ANKFY1: variants seen among roughly 807,000 people sequenced by gnomAD.
ANKFY1 encodes ankyrin repeat and FYVE domain containing 1.
In ANKFY1, 47 loss-of-function variants were observed where a neutral mutation model predicts 128.3. The ratio of observed to expected loss-of-function variants is 0.37; its 90% CI spans 0.29 to 0.47. ANKFY1 has a LOEUF of 0.47. ANKFY1 is among the 20% of genes least tolerant of loss of function. The pLI, the probability that ANKFY1 is intolerant of heterozygous loss-of-function variation, is 1.00. For missense variants in ANKFY1, 1,222 were observed against 1,510.6 expected (o/e 0.81, Z 3.17); for synonymous variants, 553 against 601.6 (o/e 0.92, Z 1.18).
At chr17:4,194,884 G>A (rs772143016) in intron 10 of ANKFY1, 94 bp downstream of exon 10, 15 of 1,157,466 alleles carry the variant, frequency 1.3e-5, no homozygotes, top group Admixed American at 4.0e-5. Flanking sequence ...ATAGTATGCC[G>A]TTCAGTTTCT....
rs527902881 is a variant in ANKFY1 at position 4,210,639 on chromosome 17, C to T, written c.459-692G>A. On this transcript the variant is annotated intron_variant, in intron 4 of 24. Coordinates refer to ENST00000341657, the MANE Select transcript of ANKFY1 (RefSeq NM_001330063.2). ...AGGAGAATCGCTTGAACCCAGGAGG[C>T]GGAGGTTGCAGTGAGCTGAGATCGT... 5.3e-4 allele frequency among the ~76,000 whole-genome samples: 63 copies of T among 118,376 alleles called. 3 individuals carry two copies. In the South Asian group the frequency reaches 0.017, roughly 32 times the overall value. The allele number at this position is 118,376 out of a possible 152,430, so 77.7% of individuals were successfully genotyped here. A position where few individuals can be genotyped will look rare whatever the true frequency, so the allele number is the denominator to read the frequency against.
In ANKFY1 at chr17:4,183,382, A is replaced by C. The variant is rs764429624; in HGVS notation, c.1952+16T>G. 2 of 1,611,884 alleles carry C rather than the reference A, an allele frequency of 1.2e-6. No homozygotes were observed. Among genetic ancestry groups the C allele is most frequent in the Non-Finnish European group, 1.7e-6 (2 of 1,179,044 alleles). The stretch of plus-strand genomic sequence containing the variant: ...TTGTTACCTGGTGTTAGGTGGAGAG[A>C]GCGGCTTCCTCCTACCTGACATTTA... On this transcript the variant is annotated intron_variant, in intron 14 of 24. Coordinates refer to ENST00000341657, the MANE Select transcript of ANKFY1 (RefSeq NM_001330063.2).
rs74758537 is a variant in ANKFY1 at position 4,217,840 on chromosome 17, C to T, written c.323-722G>A. Among the ~76,000 whole-genome samples the T allele has an allele frequency of 4.9e-3, 752 of 152,132 alleles. 5 individuals are homozygous for T. The highest frequency in any genetic ancestry group is 0.018 in the African/African-American group (732 of 41,518). On this transcript the variant is annotated intron_variant, in intron 3 of 24. Coordinates refer to ENST00000341657, the MANE Select transcript of ANKFY1 (RefSeq NM_001330063.2). The stretch of plus-strand genomic sequence containing the variant: ...AGCTGGGACCGCAGGTGCATGCTAG[C>T]ATACCAGGTTAATTTTTGTATTTTT...
At chr17:4,259,056 A>G (rs1286884505) in intron 1 of ANKFY1, among the ~76,000 whole-genome samples, 18 of 152,228 alleles carry the variant, frequency 1.2e-4, no homozygotes, top group Non-Finnish European at 1.9e-4. Context: ...TGGGAAAAGC[A>G]TCAGTCGCTG....
At chr17:4,259,440 C>T (rs746317923) in intron 1 of ANKFY1, among the ~76,000 whole-genome samples, 2 of 152,156 alleles carry the variant, frequency 1.3e-5, no homozygotes, top group African/African-American at 2.4e-5. Flanking sequence ...TGCCACCATG[C>T]CTGGCTAATT....
intron 11 of ANKFY1, among the ~76,000 whole-genome samples, chr17:4,185,977 C>T (rs972880514): frequency 3.3e-5 from 5 of 152,146 alleles, no homozygotes; most frequent in Non-Finnish European, 7.4e-5. Context: ...CCTTCTCCTA[C>T]TTTTAAAAGT....
intron 4 of ANKFY1, 61 bp downstream of exon 4, chr17:4,216,922 G>T: frequency 1.2e-6 from 2 of 1,607,836 alleles, no homozygotes; most frequent in South Asian, 1.1e-5. Flanking sequence ...CCCAGAGCTC[G>T]GCATAATTAA....
At position 4,237,817 on chromosome 17, in the gene ANKFY1, T is replaced by A. The variant is rs532460899; in HGVS notation, c.204-1927A>T. 1.4e-3 allele frequency among the ~76,000 whole-genome samples: 209 copies of A among 152,292 alleles called. 1 individual carries two copies. The highest frequency in any genetic ancestry group is 4.7e-3 in the African/African-American group (195 of 41,562). On this transcript the variant is annotated intron_variant, in intron 2 of 24. Coordinates refer to ENST00000341657, the MANE Select transcript of ANKFY1 (RefSeq NM_001330063.2). ...ACAATTAAGGACCTAGTAATTTTTTTAAAAAACTTGATTCCACTCAATTAA... is the reference window on the plus strand; with the variant it reads ...ACAATTAAGGACCTAGTAATTTTTTAAAAAAACTTGATTCCACTCAATTAA...
intron 8 of ANKFY1, among the ~76,000 whole-genome samples, chr17:4,195,990 CCCCCGAGTCAGGGCCCAAGGCTGCACCT>C (rs2059812057): frequency 5.3e-5 from 8 of 149,762 alleles, no homozygotes; most frequent in African/African-American, 2.0e-4. Context: ...CACACACACA[CCCCCGAGTCAGGGCCCAAGGCTGCACCT>C]ACCCACCCAC....
In ANKFY1 at chr17:4,251,637, C is replaced by T. The variant is rs1198119661; in HGVS notation, c.11-9189G>A. On this transcript the variant is annotated intron_variant, in intron 1 of 24. Transcript: ENST00000341657. ...AAGATAAACTGTTAAAAAAAAATTA[C>T]AGAAGAAACATGGCTAAATTTGACT... is the stretch of plus-strand genomic sequence containing the variant. Among the ~76,000 whole-genome samples the T allele has an allele frequency of 2.0e-5, 3 of 150,054 alleles. No individual in the cohort carries two copies. The East Asian group carries it at 5.9e-4, about 29-fold the overall frequency.
chr17:4,260,312 G>C (rs996282651), intron 1 of ANKFY1, among the ~76,000 whole-genome samples: 4 of 152,072 alleles, frequency 2.6e-5, no homozygotes, highest in African/African-American at 9.7e-5. Context: ...TTTTGAAGTA[G>C]TTCACTTACA....
At chr17:4,225,769 A>G (rs2060414864) in intron 3 of ANKFY1, among the ~76,000 whole-genome samples, 2 of 152,140 alleles carry the variant, frequency 1.3e-5, no homozygotes, top group South Asian at 4.1e-4. Flanking sequence ...ATATATTTAT[A>G]TAATTTTTTT....
chr17:4,194,207 C>G (rs1598049314), intron 10 of ANKFY1, among the ~76,000 whole-genome samples: 1 of 145,932 alleles, frequency 6.9e-6, no homozygotes, highest in Non-Finnish European at 1.5e-5. Context: ...CTCCCAGTTT[C>G]AAGCGATTCT....
In ANKFY1 at chr17:4,189,437, G is replaced by A. The variant is rs761620410; in HGVS notation, c.1415C>T (p.Ala472Val). The change falls in exon 11 of 25, where the codon GCA becomes GTA. Residue 472 changes from alanine to valine, a missense_variant. Transcript: ENST00000341657. ...GTTGGTTGCCAGGAAAAGAGCTGCT[G>A]CCTCGTTTCCTGCTCCAGCTGCCCG... ...LQRAAGAGNEAAALFLATNGA... is the reference protein window; with the variant it reads ...LQRAAGAGNEVAALFLATNGA... 1.9e-6 allele frequency: 3 copies of A among 1,593,326 alleles called. No individual in the cohort carries two copies. The highest frequency in any genetic ancestry group is 1.7e-6 in the Non-Finnish European group (2 of 1,167,190).
intron 1 of ANKFY1, among the ~76,000 whole-genome samples, chr17:4,255,946 T>C (rs1025482658): frequency 4.6e-5 from 7 of 152,020 alleles, no homozygotes; most frequent in Non-Finnish European, 7.4e-5. Flanking sequence ...GCCTCCCGAA[T>C]AGCTAGGATT....
At chr17:4,208,673 G>A (rs1196213412) in intron 5 of ANKFY1, among the ~76,000 whole-genome samples, 1 of 152,190 alleles carries the variant, frequency 6.6e-6, no homozygotes, top group Non-Finnish European at 1.5e-5. Flanking sequence ...TTCCCACAGT[G>A]TTGTTGAATA....
intron 1 of ANKFY1, among the ~76,000 whole-genome samples, chr17:4,255,656 T>C (rs531261103): frequency 1.8e-4 from 28 of 152,292 alleles, no homozygotes; most frequent in African/African-American, 5.8e-4. Flanking sequence ...AACATTCTAT[T>C]TGGAGAACTA....
At chr17:4,255,614 G>C (rs1470155186) in intron 1 of ANKFY1, among the ~76,000 whole-genome samples, 2 of 152,112 alleles carry the variant, frequency 1.3e-5, no homozygotes, top group Non-Finnish European at 2.9e-5. Flanking sequence ...ATGTCCATTA[G>C]ATAAAAGAGA....
At chr17:4,260,637 A>G (rs1267329417) in intron 1 of ANKFY1, among the ~76,000 whole-genome samples, 2 of 151,638 alleles carry the variant, frequency 1.3e-5, no homozygotes, top group East Asian at 3.8e-4. Context: ...AAAAAAAAAA[A>G]AAAAACCCAC....
Sources: allele counts gnomAD v4.1 joint callset (sites outside exome capture counted in the v4.1 genomes callset), GRCh38; gene constraint gnomAD v4.1.1; transcripts MANE v1.5; gene names NCBI Gene and HGNC (gene_info 2026-07-23, HGNC 2026-07-21).